Variants in SUFU observed in about 807,000 individuals in gnomAD.
The protein encoded by SUFU is SUFU negative regulator of hedgehog signaling.
A neutral mutation model predicts 58.9 loss-of-function variants in SUFU; 7 were observed. That is an observed-to-expected ratio of 0.12 (90% confidence interval 0.07 to 0.22). The LOEUF (loss-of-function observed/expected upper bound fraction) is 0.22, where lower values mean the gene tolerates loss of function less well. Ranked by LOEUF, SUFU falls within the 10% of genes least tolerant of loss-of-function variation. The pLI is 1.00. For synonymous variants in SUFU, 232 were observed against 254.8 expected, an observed-to-expected ratio of 0.91 and a Z score of 0.85; for missense variants, 451 against 641.3, an observed-to-expected ratio of 0.70 and a Z score of 3.20.
intron 2 of SUFU, among the ~76,000 whole-genome samples, chr10:102,516,125 C>CTTTTTTTTTTTTTTTTTTTTTTTTTTTT (rs60544094): frequency 8.0e-6 from 1 of 125,580 alleles, no homozygotes. Flanking sequence ...TCTTTCTTTT[C>CTTTTTTTTTTTTTTTTTTTTTTTTTTTT]TTTTTTTTTT....
chr10:102,566,650 A>G (rs926510578), intron 3 of SUFU, among the ~76,000 whole-genome samples: 8 of 151,776 alleles, frequency 5.3e-5, no homozygotes, highest in Non-Finnish European at 1.0e-4. Flanking sequence ...CTGTAATCCC[A>G]GCTACTTGGG....
At position 102,617,336 on chromosome 10, in the gene SUFU, G is replaced by A; in HGVS notation, c.1204G>A (p.Gly402Ser). The A allele has an allele frequency of 6.2e-7, 1 of 1,614,220 alleles. No homozygotes were observed. The highest frequency in any genetic ancestry group is 8.5e-7 in the Non-Finnish European group (1 of 1,180,040). The change falls in exon 10 of 12, where the codon GGT becomes AGT. Residue 402 changes from glycine (G) to serine (S), a missense_variant. Coordinates refer to ENST00000369902, the MANE Select transcript of SUFU (RefSeq NM_016169.4). This position sits in a 1 kb window ranked among gnomAD's most constrained non-coding sequence, Gnocchi z 4.4. ...GCACTTTACATATAAAAGTATCACA[G>A]GTGACATGGCCATCACGTTTGTCTC... ...GRHFTYKSITGDMAITFVSTG... is the reference protein window; with the variant it reads ...GRHFTYKSITSDMAITFVSTG...
At chr10:102,568,372 T>C (rs1237668932) in intron 3 of SUFU, among the ~76,000 whole-genome samples, 1 of 152,228 alleles carries the variant, frequency 6.6e-6, no homozygotes, top group East Asian at 1.9e-4. Flanking sequence ...TTTGACTCTC[T>C]TATAATAAGC....
intron 2 of SUFU, among the ~76,000 whole-genome samples, chr10:102,541,786 G>A (rs1221521185): frequency 2.3e-5 from 3 of 128,180 alleles, no homozygotes; most frequent in East Asian, 2.5e-4. Flanking sequence ...TCGGCTCACC[G>A]CAACCTCCAC....
chr10:102,599,249 G>C (rs1012427005), intron 7 of SUFU, among the ~76,000 whole-genome samples, 184 bp from the exon 8 acceptor site: 7 of 152,242 alleles, frequency 4.6e-5, no homozygotes, highest in Non-Finnish European at 8.8e-5. Context: ...AGCTTCTTAA[G>C]AGCGCGGTTG....
Position 102,518,519 on chromosome 10 carries a change from G to GTCTGTCTATCTA in SUFU, c.317+9219_317+9220insGTCTATCTATCT, listed in dbSNP as rs1554842626. 1.5e-3 allele frequency among the ~76,000 whole-genome samples: 220 copies of GTCTGTCTATCTA among 147,224 alleles called. 2 individuals are homozygous for GTCTGTCTATCTA. Among genetic ancestry groups the GTCTGTCTATCTA allele is most frequent in the Middle Eastern group, 3.4e-3 (1 of 290 alleles). On this transcript the variant is annotated intron_variant, in intron 2 of 11. Transcript: ENST00000369902. ...TATCTATCTAACTGTCTGTCTGTCTGTCTATCTATCTATCTATCTATCTAT... is the reference window on the plus strand; with the variant it reads ...TATCTATCTAACTGTCTGTCTGTCTGTCTGTCTATCTATCTATCTATCTATCTATCTATCTAT...
chr10:102,615,416 C>A lies in SUFU; in HGVS notation c.1157+14C>A, dbSNP rs2063675828. The A allele has an allele frequency of 6.2e-7, 1 of 1,613,826 alleles. No homozygotes were observed. The highest frequency in any genetic ancestry group is 1.3e-5 in the African/African-American group (1 of 74,908). On this transcript the variant is annotated intron_variant, in intron 9 of 11. Transcript: ENST00000369902. ...TCTCTGCCTAAGGTGAGCGAGACAGCCCTGCCACACAGTTTACCCCACAGC... is the reference window on the plus strand; with the variant it reads ...TCTCTGCCTAAGGTGAGCGAGACAGACCTGCCACACAGTTTACCCCACAGC...
Position 102,627,167 on chromosome 10 carries a change from C to T in SUFU, c.1297-8C>T, listed in dbSNP as rs1229354823. 1.2e-6 allele frequency: 2 copies of T among 1,614,162 alleles called. No homozygotes were observed. The highest frequency in any genetic ancestry group is 1.7e-6 in the Non-Finnish European group (2 of 1,179,998). On this transcript the variant is annotated splice_region_variant and splice_polypyrimidine_tract_variant and intron_variant, in intron 10 of 11. Transcript: ENST00000369902. ...ATAATAATAAAAGCCTGCCTTGTGC[C>T]TTCACAGATTCTGTTGACCGAAGAG... is the stretch of plus-strand genomic sequence containing the variant.
chr10:102,593,532 T>A, intron 4 of SUFU, 104 bp from the exon 5 acceptor site: 1 of 1,114,774 alleles, frequency 9.0e-7, no homozygotes. Context: ...AGATCCTGCC[T>A]GTGGTCTCCC....
intron 10 of SUFU, chr10:102,618,928 TAG>T: frequency 1.5e-6 from 1 of 648,204 alleles, no homozygotes. Flanking sequence ...TGTCCTCAGG[TAG>T]CGTGTGTGTG....
chr10:102,570,561 C>T (rs902121540), intron 3 of SUFU, among the ~76,000 whole-genome samples: 10 of 145,732 alleles, frequency 6.9e-5, no homozygotes, highest in Admixed American at 3.5e-4. Context: ...GTTTTCTAAT[C>T]GGTATTTTTG....
chr10:102,543,276 A>T (rs2062822793), intron 2 of SUFU, among the ~76,000 whole-genome samples: 1 of 152,110 alleles, frequency 6.6e-6, no homozygotes, highest in African/African-American at 2.4e-5. Context: ...ATGGTATCTC[A>T]TTGTTTTCAT....
At chr10:102,509,441 T>C in intron 2 of SUFU, 138 bp downstream of exon 2, 1 of 1,266,344 alleles carries the variant, frequency 7.9e-7, no homozygotes, top group Non-Finnish European at 1.1e-6. Flanking sequence ...CTATATCTAC[T>C]CATGCCAAGG....
At chr10:102,597,589 A>G (rs1231152409) in intron 7 of SUFU, among the ~76,000 whole-genome samples, 1 of 152,256 alleles carries the variant, frequency 6.6e-6, no homozygotes, top group African/African-American at 2.4e-5. Context: ...AAGCCTCAGA[A>G]CAGTTACAGG....
intron 2 of SUFU, among the ~76,000 whole-genome samples, chr10:102,539,029 A>G (rs2062771592): frequency 6.6e-6 from 1 of 152,204 alleles, no homozygotes; most frequent in Admixed American, 6.5e-5. Flanking sequence ...GACAGTGGAC[A>G]CTTCAGGATC....
intron 3 of SUFU, among the ~76,000 whole-genome samples, chr10:102,573,533 A>G (rs1195210262): frequency 6.6e-6 from 1 of 152,232 alleles, no homozygotes; most frequent in Non-Finnish European, 1.5e-5. Flanking sequence ...ATATTTGTGC[A>G]CCAGTTTTCA....
At chr10:102,516,125 CTTTTTT>C (rs60544094) in intron 2 of SUFU, among the ~76,000 whole-genome samples, 2 of 125,578 alleles carry the variant, frequency 1.6e-5, no homozygotes, top group Non-Finnish European at 1.7e-5. Context: ...TCTTTCTTTT[CTTTTTT>C]TTTTTTTTTT....
intron 3 of SUFU, among the ~76,000 whole-genome samples, chr10:102,567,801 C>G (rs879874189): frequency 3.3e-5 from 5 of 152,274 alleles, no homozygotes; most frequent in Non-Finnish European, 7.4e-5. Flanking sequence ...AGCTGCATAC[C>G]TGGGGCACTG....
chr10:102,545,951 G>T (rs1246838334), intron 2 of SUFU, among the ~76,000 whole-genome samples: 1 of 152,228 alleles, frequency 6.6e-6, no homozygotes, highest in Non-Finnish European at 1.5e-5. Context: ...TCCAGCCTGG[G>T]AGACAGAGTG....
Sources: allele counts gnomAD v4.1 joint callset (sites outside exome capture counted in the v4.1 genomes callset), GRCh38; gene constraint gnomAD v4.1.1; non-coding constraint Gnocchi (gnomAD v3.1); transcripts MANE v1.5; gene names NCBI Gene and HGNC (gene_info 2026-07-23, HGNC 2026-07-21).